Variants in DIPK1A observed in about 807,000 individuals in gnomAD.
DIPK1A encodes family with sequence similarity 69 member A.
In DIPK1A, 27 loss-of-function variants were observed where a neutral mutation model predicts 40.8. The observed-to-expected ratio is 0.66, with a 90% CI of 0.49 to 0.91. The LOEUF (loss-of-function observed/expected upper bound fraction) is 0.91. Ranked by LOEUF, DIPK1A falls within the 40% of genes least tolerant of loss-of-function variation. The pLI is 0.00. For synonymous variants in DIPK1A, 166 were observed against 171.3 expected (o/e 0.97, Z 0.24); for missense variants, 412 against 505.7 (o/e 0.81, Z 1.78).
At chr1:92,937,636 C>T (rs1356171539) in intron 1 of DIPK1A, among the ~76,000 whole-genome samples, 3 of 151,784 alleles carry the variant, frequency 2.0e-5, no homozygotes, top group Non-Finnish European at 2.9e-5. Context: ...TAAAAAATCT[C>T]AGTACCAGGT....
At position 92,843,774 on chromosome 1, in the gene DIPK1A, T is replaced by A. The variant is rs1343328347; in HGVS notation, c.896A>T (p.Asn299Ile). Residue 299 changes from asparagine (N) to isoleucine (I), a missense_variant, in exon 5 of 5, where the codon AAC (asparagine) becomes ATC (isoleucine). Physicochemically the swap from Asn to Ile is moderately radical, Grantham distance 149. Coordinates refer to ENST00000370310, the MANE Select transcript of DIPK1A (RefSeq NM_001006605.5). ...ATCATACTTATCATTATATCCTAGG[T>A]TTTTGGCACTAGTATCGCACATGAG... Reference protein sequence around the residue: ...NFLMCDTSAKNLGYNDKYDLK... With the variant: ...NFLMCDTSAKILGYNDKYDLK... The A allele has an allele frequency of 1.9e-6, 3 of 1,551,750 alleles. No individual in the cohort carries two copies. The East Asian group carries it at 7.3e-5, about 38-fold the overall frequency.
Position 92,850,249 on chromosome 1 carries a change from C to T in DIPK1A, c.297+599G>A, listed in dbSNP as rs930387815. On this transcript the variant is annotated intron_variant, in intron 3 of 4. Transcript: ENST00000370310. ...CCTCCCAAAGTGTTGGGATTACATG[C>T]GTGAGCCACCGCACCAGGTTGCCTT... is the stretch of plus-strand genomic sequence containing the variant. 9.2e-5 allele frequency among the ~76,000 whole-genome samples: 14 copies of T among 152,250 alleles called. No individual in the cohort carries two copies. The East Asian group carries it at 1.4e-3, about 15-fold the overall frequency.
chr1:92,869,152 C>CTATTATTATTATTAT (rs10688368), intron 2 of DIPK1A, among the ~76,000 whole-genome samples: 70 of 146,262 alleles, frequency 4.8e-4, no homozygotes, highest in African/African-American at 1.7e-3. Context: ...AAATATTACA[C>CTATTATTATTATTAT]TATTATTATT....
At chr1:92,858,872 T>C (rs765663865) in intron 2 of DIPK1A, among the ~76,000 whole-genome samples, 4 of 152,242 alleles carry the variant, frequency 2.6e-5, no homozygotes, top group African/African-American at 4.8e-5. Context: ...TTACTGTCAG[T>C]AAAACGATAT....
At chr1:92,925,485 G>GT (rs1463015336) in intron 1 of DIPK1A, among the ~76,000 whole-genome samples, 7 of 151,754 alleles carry the variant, frequency 4.6e-5, no homozygotes, top group Admixed American at 1.3e-4. Context: ...AGTTTTTTGG[G>GT]GTTTTTTTGT....
intron 2 of DIPK1A, among the ~76,000 whole-genome samples, chr1:92,859,596 G>C: frequency 6.6e-6 from 1 of 152,322 alleles, no homozygotes; most frequent in South Asian, 2.1e-4. Flanking sequence ...GGAAGCCAAT[G>C]CTCGAGGCAG....
rs749208912 is a variant in DIPK1A at position 92,869,652 on chromosome 1, CG to C, written c.189+6643del. 1.6e-4 allele frequency among the ~76,000 whole-genome samples: 24 copies of C among 152,092 alleles called. No homozygotes were observed. The East Asian group carries it at 2.9e-3, about 18-fold the overall frequency. ...GATGAAATTGACTGAAGATTTTGAA[CG>C]GAATCTGTTCAAAGGTTATACACAG... On this transcript the variant is annotated intron_variant, in intron 2 of 4. Transcript: ENST00000370310.
chr1:92,926,962 G>T lies in DIPK1A; in HGVS notation c.54+34414C>A, dbSNP rs1650539600. On this transcript the variant is annotated intron_variant, in intron 1 of 4. Coordinates refer to ENST00000370310, the MANE Select transcript of DIPK1A (RefSeq NM_001006605.5). ...ACTTGACAATCTCTATCTTTTAATTGTAATGTTAAGTTGATTTACATTTGA... is the reference window on the plus strand; with the variant it reads ...ACTTGACAATCTCTATCTTTTAATTTTAATGTTAAGTTGATTTACATTTGA... Among the ~76,000 whole-genome samples the T allele has an allele frequency of 2.6e-5, 4 of 151,916 alleles. No individual in the cohort carries two copies. In the South Asian group the frequency reaches 8.3e-4, roughly 31 times the overall value.
intron 1 of DIPK1A, among the ~76,000 whole-genome samples, chr1:92,924,002 G>A (rs1201534394): frequency 1.3e-5 from 2 of 151,902 alleles, no homozygotes; most frequent in Non-Finnish European, 2.9e-5. Flanking sequence ...CAGAATTTAG[G>A]GACTCAAATA....
intron 1 of DIPK1A, among the ~76,000 whole-genome samples, chr1:92,956,030 T>C (rs940236162): frequency 4.6e-5 from 7 of 151,422 alleles, no homozygotes; most frequent in African/African-American, 1.5e-4. Context: ...AGGGAGATCC[T>C]GTATCAAGAA....
intron 4 of DIPK1A, among the ~76,000 whole-genome samples, chr1:92,834,562 G>C (rs1434168184): frequency 2.6e-5 from 4 of 152,172 alleles, no homozygotes. Flanking sequence ...GCTGACTTTA[G>C]TTATGTTTAG....
At chr1:92,855,167 A>C (rs1202751334) in intron 2 of DIPK1A, among the ~76,000 whole-genome samples, 1 of 152,186 alleles carries the variant, frequency 6.6e-6, no homozygotes, top group African/African-American at 2.4e-5. Flanking sequence ...ATATTCCTAA[A>C]TAATTTGTGG....
intron 1 of DIPK1A, among the ~76,000 whole-genome samples, chr1:92,906,807 T>G (rs1649643257): frequency 6.6e-6 from 1 of 152,130 alleles, no homozygotes; most frequent in Non-Finnish European, 1.5e-5. Flanking sequence ...AAAACCAGCC[T>G]ACCTGTAAAT....
intron 1 of DIPK1A, among the ~76,000 whole-genome samples, chr1:92,954,525 C>T (rs1366802938): frequency 6.6e-6 from 1 of 151,782 alleles, no homozygotes; most frequent in Non-Finnish European, 1.5e-5. Flanking sequence ...CAGGCACATG[C>T]CACCATACCC....
rs567104738 is a variant in DIPK1A, at chr1:92,948,361, T to C, written c.54+13015A>G. ...GGTGGTGGCAGGAATGGAACATGTA[T>C]TGAAATATCACATTGTACCCCATAA... On this transcript the variant is annotated intron_variant, in intron 1 of 4. Coordinates refer to ENST00000370310, the MANE Select transcript of DIPK1A (RefSeq NM_001006605.5). Among the ~76,000 whole-genome samples, 181 of 152,204 alleles carry C rather than the reference T, an allele frequency of 1.2e-3. 1 individual carries two copies. The highest frequency in any genetic ancestry group is 2.3e-3 in the Admixed American group (35 of 15,284).
intron 1 of DIPK1A, among the ~76,000 whole-genome samples, chr1:92,917,328 CT>C (rs1385658567): frequency 1.3e-5 from 2 of 152,058 alleles, no homozygotes; most frequent in African/African-American, 4.8e-5. Flanking sequence ...ATTTTTATGG[CT>C]TTTGCTTTCC....
intron 2 of DIPK1A, among the ~76,000 whole-genome samples, chr1:92,859,729 GTC>G (rs2100743959): frequency 6.6e-6 from 1 of 152,264 alleles, no homozygotes; most frequent in African/African-American, 2.4e-5. Context: ...TCGAGACAGG[GTC>G]TCACTCTGTC....
chr1:92,840,683 A>C (rs1687321846), downstream of DIPK1A: 1 of 1,425,606 alleles, frequency 7.0e-7, no homozygotes, highest in Non-Finnish European at 9.8e-7. Context: ...ACAGGTTGGG[A>C]ATGGTTCCCA....
At chr1:92,938,645 A>T (rs1055112165) in intron 1 of DIPK1A, among the ~76,000 whole-genome samples, 2 of 152,164 alleles carry the variant, frequency 1.3e-5, no homozygotes, top group African/African-American at 2.4e-5. Flanking sequence ...AAAGTCATTC[A>T]AAAATGTATA....
Sources: gnomAD v4.1 joint callset for allele counts (sites outside exome capture counted in the v4.1 genomes callset) on GRCh38, gnomAD v4.1.1 for gene constraint, MANE v1.5 for transcripts, NCBI Gene and HGNC (gene_info 2026-07-23, HGNC 2026-07-21) for gene names.